Variants in CSMD2 observed in about 807,000 individuals in gnomAD.
CSMD2 encodes the protein CUB and sushi domain-containing protein 2.
In CSMD2, 130 loss-of-function variants were observed where a neutral mutation model predicts 398.5. The ratio of observed to expected loss-of-function variants is 0.33; its 90% CI spans 0.28 to 0.38. The LOEUF is 0.38. Among genes scored for constraint, CSMD2 ranks in the 10% least tolerant of loss-of-function variants. The pLI, the probability that CSMD2 is intolerant of heterozygous loss-of-function variation, is 1.00. For missense variants in CSMD2, 3,829 were observed against 4,764.9 expected (o/e 0.80, Z 5.78); for synonymous variants, 1,828 against 1,908.5 (o/e 0.96, Z 1.10).
chr1:34,054,517 C>A (rs543436188), intron 2 of CSMD2, among the ~76,000 whole-genome samples: 1 of 152,158 alleles, frequency 6.6e-6, no homozygotes, highest in East Asian at 1.9e-4. Flanking sequence ...GTCAGGAGAT[C>A]GAGACCATCC....
At chr1:33,832,690 C>CA (rs1270206728) in intron 6 of CSMD2, among the ~76,000 whole-genome samples, 1 of 150,680 alleles carries the variant, frequency 6.6e-6, no homozygotes, top group South Asian at 2.1e-4. Context: ...AAAAACCCTT[C>CA]AAAAAATTAA....
rs1033351804 is a variant in CSMD2 at position 33,633,817 on chromosome 1, G to A, written c.5087-282C>T. On this transcript the variant is annotated intron_variant, in intron 31 of 70. Transcript: ENST00000373381. The surrounding 1 kb of genome is among the most constrained non-coding windows in gnomAD (Gnocchi z 5.0). ...GTCAGGCGGGTAGAGGCGAAATGGA[G>A]CCAACTTTGTTCCTTTCCCAGATAG... Among the ~76,000 whole-genome samples, 3 of 152,196 alleles carry A rather than the reference G, an allele frequency of 2.0e-5. No individual in the cohort carries two copies. Among genetic ancestry groups the A allele is most frequent in the Non-Finnish European group, 4.4e-5 (3 of 68,028 alleles).
rs34856451 is a variant in CSMD2 at position 34,077,456 on chromosome 1, CAAAAAAAAAAAA to C, written c.404+11509_404+11520del. On this transcript the variant is annotated intron_variant, in intron 2 of 70. Coordinates refer to ENST00000373381, the MANE Select transcript of CSMD2 (RefSeq NM_001281956.2). ...TGGGCTAAAGAGCGGAACTCCGTCT[CAAAAAAAAAAAA>C]AAAAAAAAAAGCAGTGAGGACACTT... Among the ~76,000 whole-genome samples the C allele has an allele frequency of 5.6e-4, 16 of 28,494 alleles. 1 individual carries two copies. Among genetic ancestry groups the C allele is most frequent in the Admixed American group, 9.1e-4 (2 of 2,186 alleles). 18.7% of individuals were successfully genotyped at this position (28,494 alleles called of 152,430 possible).
intron 2 of CSMD2, among the ~76,000 whole-genome samples, chr1:34,042,774 TC>T (rs920788485): frequency 2.6e-5 from 4 of 152,098 alleles, no homozygotes; most frequent in Non-Finnish European, 4.4e-5. Flanking sequence ...CTTTGGTCTT[TC>T]CCCCTCTACC....
At chr1:33,783,850 C>T (rs980697760) in intron 12 of CSMD2, among the ~76,000 whole-genome samples, 2 of 152,172 alleles carry the variant, frequency 1.3e-5, no homozygotes, top group Non-Finnish European at 2.9e-5. Flanking sequence ...GTAAACCACC[C>T]AGTCTTTTTT....
chr1:33,916,355 T>C (rs1643721027), intron 5 of CSMD2, among the ~76,000 whole-genome samples: 1 of 152,198 alleles, frequency 6.6e-6, no homozygotes, highest in Admixed American at 6.5e-5. Flanking sequence ...ACAAGGAGCA[T>C]ATGCATTACA....
chr1:33,569,446 T>C lies in CSMD2; in HGVS notation c.8059A>G (p.Thr2687Ala). The C allele has an allele frequency of 6.2e-7, 1 of 1,614,132 alleles. No homozygotes were observed. Among genetic ancestry groups the C allele is most frequent in the Non-Finnish European group, 8.5e-7 (1 of 1,180,022 alleles). ...TAIFSCNSGY[T>A]LVGSRVRECM... ...TCACGCACCCTGGAGCCCACCAGTG[T>C]GTATCCGGAATTGCAGGAGAAGATG... The change falls in exon 52 of 71, where the codon ACA becomes GCA. Residue 2687 changes from threonine to alanine, a missense_variant. Physicochemically the swap from Thr to Ala is moderately conservative, Grantham distance 58. Transcript: ENST00000373381.
Position 33,624,699 on chromosome 1 carries a change from C to T in CSMD2, c.5501-56G>A. 1 of 1,578,860 alleles carries T rather than the reference C, an allele frequency of 6.3e-7. No individual in the cohort carries two copies. The highest frequency in any genetic ancestry group is 8.6e-7 in the Non-Finnish European group (1 of 1,157,808). ...TTGTGGCCTCCCGTGGGAGCCTTCC[C>T]AAGCTGACTCCTCCCTCATGGCCCC... On this transcript the variant is annotated intron_variant, in intron 34 of 70. Transcript: ENST00000373381. The surrounding 1 kb of genome is among the most constrained non-coding windows in gnomAD (Gnocchi z 4.7).
chr1:33,832,309 T>C (rs1659676595), intron 6 of CSMD2, among the ~76,000 whole-genome samples: 1 of 151,924 alleles, frequency 6.6e-6, no homozygotes, highest in Non-Finnish European at 1.5e-5. Flanking sequence ...TATAACAAAC[T>C]GTCTCTCAGA....
At chr1:33,669,351 C>A (rs1482275781) in intron 25 of CSMD2, among the ~76,000 whole-genome samples, 1 of 152,214 alleles carries the variant, frequency 6.6e-6, no homozygotes, top group Admixed American at 6.5e-5. Context: ...GAAAGAGTAA[C>A]TGGCCTTCCT....
chr1:33,703,085 C>T (rs572781255), intron 22 of CSMD2, among the ~76,000 whole-genome samples: 1 of 152,202 alleles, frequency 6.6e-6, no homozygotes, highest in South Asian at 2.1e-4. Flanking sequence ...ACTGTTTTAG[C>T]TACTGTAGCT....
At chr1:33,626,920 C>T (rs571319915) in intron 32 of CSMD2, among the ~76,000 whole-genome samples, 4 of 152,082 alleles carry the variant, frequency 2.6e-5, no homozygotes, top group East Asian at 1.9e-4. Flanking sequence ...ATGTGTGGAG[C>T]GACAGGGATG....
At chr1:33,598,000 A>G (rs572381057) in intron 44 of CSMD2, among the ~76,000 whole-genome samples, 1 of 152,258 alleles carries the variant, frequency 6.6e-6, no homozygotes, top group Non-Finnish European at 1.5e-5. Context: ...TTGTCTTTAC[A>G]TAACAGAAAT....
intron 44 of CSMD2, among the ~76,000 whole-genome samples, chr1:33,598,069 A>G (rs1639956551): frequency 6.6e-6 from 1 of 152,250 alleles, no homozygotes; most frequent in Non-Finnish European, 1.5e-5. Context: ...AAATAAAAAG[A>G]AAAGCAATGA....
chr1:34,078,619 G>T (rs967932045), intron 2 of CSMD2, among the ~76,000 whole-genome samples: 13 of 152,164 alleles, frequency 8.5e-5, no homozygotes, highest in South Asian at 2.1e-4. Flanking sequence ...ACCAAACCTT[G>T]TATGAGGTCA....
intron 16 of CSMD2, among the ~76,000 whole-genome samples, 163 bp from the exon 17 acceptor site, chr1:33,725,699 T>A (rs887489087): frequency 3.3e-5 from 5 of 152,156 alleles, no homozygotes; most frequent in Non-Finnish European, 5.9e-5. Context: ...CAGAAGGACC[T>A]TCTCCACTCT....
At chr1:33,827,156 T>G (rs1001438444) in intron 6 of CSMD2, among the ~76,000 whole-genome samples, 4 of 152,200 alleles carry the variant, frequency 2.6e-5, no homozygotes, top group African/African-American at 9.7e-5. Flanking sequence ...TGTCCCTATA[T>G]AGTCTGTCCT....
intron 14 of CSMD2, among the ~76,000 whole-genome samples, chr1:33,742,584 C>CCG (rs1557824935): frequency 2.2e-5 from 3 of 139,096 alleles, no homozygotes; most frequent in African/African-American, 8.2e-5. Flanking sequence ...TCTGCCCCCC[C>CCG]CCCCCCAACC....
chr1:33,911,230 C>T (rs1027333642), intron 5 of CSMD2, among the ~76,000 whole-genome samples: 4 of 152,078 alleles, frequency 2.6e-5, no homozygotes, highest in Non-Finnish European at 4.4e-5. Context: ...GGAAAAGTAA[C>T]AAAGAACATG....
Sources: gnomAD v4.1 joint callset for allele counts (sites outside exome capture counted in the v4.1 genomes callset) on GRCh38, gnomAD v4.1.1 for gene constraint, Gnocchi (gnomAD v3.1) non-coding constraint, MANE v1.5 for transcripts, NCBI Gene and HGNC (gene_info 2026-07-23, HGNC 2026-07-21) for gene names.